PDZD2: variants seen among roughly 807,000 people sequenced by gnomAD.
PDZD2 encodes the protein PDZ domain-containing protein 2.
PDZD2 carries 90 observed loss-of-function variants against 220.7 expected under a neutral mutation model. That is an observed-to-expected ratio of 0.41 (90% CI 0.34 to 0.49). The LOEUF is 0.49. Ranked by LOEUF, PDZD2 falls within the 20% of genes least tolerant of loss-of-function variation. The pLI is 0.28. For synonymous variants in PDZD2, 1,375 were observed against 1,450.5 expected, an observed-to-expected ratio of 0.95 and a Z score of 1.18; for missense variants, 3,174 against 3,608.5, an observed-to-expected ratio of 0.88 and a Z score of 3.08.
At chr5:31,702,270 A>G (rs1747641958) in intron 1 of PDZD2, among the ~76,000 whole-genome samples, 2 of 152,200 alleles carry the variant, frequency 1.3e-5, no homozygotes, top group Admixed American at 1.3e-4. Context: ...TGAGGGAGGC[A>G]TCATTGTTTT....
chr5:31,943,203 C>CA (rs368213219), intron 2 of PDZD2, among the ~76,000 whole-genome samples: 81,868 of 145,986 alleles, frequency 0.56, 22,665 homozygotes, highest in East Asian at 0.83. Flanking sequence ...ACTGTGTCTC[C>CA]AAAAAAAAAA....
chr5:31,765,296 G>A (rs1040894003), intron 1 of PDZD2, among the ~76,000 whole-genome samples: 40 of 152,114 alleles, frequency 2.6e-4, no homozygotes, highest in African/African-American at 9.2e-4. Flanking sequence ...TGTACTCCTC[G>A]CTGGAGGATG....
At chr5:31,989,257 C>T (rs1368621993) in intron 3 of PDZD2, among the ~76,000 whole-genome samples, 1 of 152,072 alleles carries the variant, frequency 6.6e-6, no homozygotes, top group Non-Finnish European at 1.5e-5. Context: ...AGCCATTGTT[C>T]ACCTCCCACT....
At chr5:31,810,351 C>T (rs902703206) in intron 2 of PDZD2, among the ~76,000 whole-genome samples, 9 of 151,596 alleles carry the variant, frequency 5.9e-5, no homozygotes, top group Admixed American at 2.0e-4. Flanking sequence ...CAACCTCCGC[C>T]TCCCGGGTTC....
In PDZD2 at chr5:32,109,817, T is replaced by A. The variant is rs552018992; in HGVS notation, c.*1682T>A. On this transcript the variant is annotated 3_prime_UTR_variant, in exon 25 of 25. Coordinates refer to ENST00000438447, the MANE Select transcript of PDZD2 (RefSeq NM_178140.4). ...CTTTGTACATCATCATTTTTCTGAATGACCAATCCCACTAAACATCTTTGA... is the reference window on the plus strand; with the variant it reads ...CTTTGTACATCATCATTTTTCTGAAAGACCAATCCCACTAAACATCTTTGA... 2 of 152,802 alleles carry A rather than the reference T, an allele frequency of 1.3e-5. No homozygotes were observed. The highest frequency in any genetic ancestry group is 3.8e-4 in the East Asian group (2 of 5,196). The allele number at this position is 152,802 out of a possible 1,614,324, so 9.5% of individuals were successfully genotyped here.
chr5:32,087,198 C>A lies in PDZD2; in HGVS notation c.3750C>A (p.Ser1250Arg), dbSNP rs1467591356. The change falls in exon 20 of 25, where the codon AGC becomes AGA. Residue 1250 changes from serine (S) to arginine (R), a missense_variant. This residue lies in a region of PDZD2 where 1,861 missense variants were observed against 2,001.0 expected (regional missense o/e 0.93). Coordinates refer to ENST00000438447, the MANE Select transcript of PDZD2 (RefSeq NM_178140.4). This position sits in a 1 kb window ranked among gnomAD's most constrained non-coding sequence, Gnocchi z 4.0. ...GKKGAAHPDPSKTSVDTGQVS... is the reference protein window; with the variant it reads ...GKKGAAHPDPRKTSVDTGQVS... ...AGGGGGCCGCTCATCCTGACCCCAG[C>A]AAGACCTCTGTAGACACAGGGCAAG... 4 of 1,613,858 alleles carry A rather than the reference C, an allele frequency of 2.5e-6. No individual in the cohort carries two copies. The highest frequency in any genetic ancestry group is 3.4e-6 in the Non-Finnish European group (4 of 1,179,856).
At chr5:31,893,179 A>ATCACATC (rs1326723271) in intron 2 of PDZD2, among the ~76,000 whole-genome samples, 5 of 152,008 alleles carry the variant, frequency 3.3e-5, no homozygotes, top group Non-Finnish European at 7.4e-5. Flanking sequence ...CCTTGGCAGA[A>ATCACATC]TCACATCTTG....
intron 1 of PDZD2, among the ~76,000 whole-genome samples, chr5:31,682,177 C>T (rs1746676031): frequency 6.6e-6 from 1 of 152,134 alleles, no homozygotes; most frequent in East Asian, 1.9e-4. Flanking sequence ...CTGTGTGTTT[C>T]CTGGAGGACC....
intron 2 of PDZD2, among the ~76,000 whole-genome samples, chr5:31,923,017 G>T (rs901829327): frequency 7.2e-5 from 11 of 151,826 alleles, no homozygotes; most frequent in African/African-American, 2.7e-4. Flanking sequence ...TGCAGGCCGG[G>T]CGTGGTGGCT....
intron 2 of PDZD2, among the ~76,000 whole-genome samples, chr5:31,809,993 C>T (rs1211230367): frequency 3.3e-5 from 5 of 152,136 alleles, no homozygotes; most frequent in Non-Finnish European, 4.4e-5. Flanking sequence ...ATAAGACACT[C>T]GCTTTTAAAC....
intron 10 of PDZD2, among the ~76,000 whole-genome samples, chr5:32,056,870 A>G (rs1031910844): frequency 6.6e-6 from 1 of 152,096 alleles, no homozygotes; most frequent in African/African-American, 2.4e-5. Context: ...CGGGCAGATC[A>G]CTCAAGGCCA....
chr5:31,801,728 A>C, intron 2 of PDZD2, among the ~76,000 whole-genome samples: 1 of 152,186 alleles, frequency 6.6e-6, no homozygotes, highest in Non-Finnish European at 1.5e-5. Flanking sequence ...GGGAATCATA[A>C]GACTGTTGAT....
chr5:31,995,739 T>C (rs373625077), intron 4 of PDZD2, 21 bp downstream of exon 4: 1 of 1,607,250 alleles, frequency 6.2e-7, no homozygotes, highest in Non-Finnish European at 8.5e-7. Flanking sequence ...AACTCTCCCC[T>C]CTCCCCCATC....
chr5:32,087,688 T>C lies in PDZD2; in HGVS notation c.4240T>C (p.Cys1414Arg), dbSNP rs753229935. 1.3e-5 allele frequency: 21 copies of C among 1,613,980 alleles called. No individual in the cohort carries two copies. Among genetic ancestry groups the C allele is most frequent in the African/African-American group, 4.0e-5 (3 of 74,946 alleles). The change falls in exon 20 of 25, where the codon TGC becomes CGC. Residue 1414 changes from cysteine (C) to arginine (R), a missense_variant. Cys to Arg is a radical substitution (Grantham distance 180). Transcript: ENST00000438447. This position sits in a 1 kb window ranked among gnomAD's most constrained non-coding sequence, Gnocchi z 4.0. ...KEACGHVSGH[C>R]CPGGSRESPV... The stretch of plus-strand genomic sequence containing the variant: ...AGCATGTGGCCATGTCTCGGGGCAC[T>C]GCTGCCCAGGGGGGAGTAGAGAGAG...
At chr5:32,036,068 C>A (rs1249407646) in intron 6 of PDZD2, among the ~76,000 whole-genome samples, 1 of 151,176 alleles carries the variant, frequency 6.6e-6, no homozygotes, top group Non-Finnish European at 1.5e-5. Flanking sequence ...CTCAGCCTCT[C>A]GAGTAGCTGG....
intron 6 of PDZD2, among the ~76,000 whole-genome samples, chr5:32,018,757 T>C (rs1428895702): frequency 2.6e-5 from 4 of 152,244 alleles, no homozygotes; most frequent in African/African-American, 9.6e-5. Context: ...AGACGTTCCT[T>C]AAGCAACACT....
chr5:31,754,447 G>A (rs1457216588), intron 1 of PDZD2: 1 of 152,108 alleles, frequency 6.6e-6, no homozygotes, highest in Non-Finnish European at 1.5e-5. Context: ...GTCTCCCCAC[G>A]GCTCATTAGG....
intron 21 of PDZD2, among the ~76,000 whole-genome samples, chr5:32,093,463 A>G (rs1743368183): frequency 6.6e-6 from 1 of 152,066 alleles, no homozygotes; most frequent in Non-Finnish European, 1.5e-5. Context: ...AATATGGTGG[A>G]CCCCTGAACA....
At chr5:31,671,748 T>C (rs1746224723) in intron 1 of PDZD2, among the ~76,000 whole-genome samples, 1 of 152,200 alleles carries the variant, frequency 6.6e-6, no homozygotes, top group East Asian at 1.9e-4. Context: ...CCAGAAAGCC[T>C]GCATGCAGAT....
Sources: gnomAD v4.1 joint callset for allele counts (sites outside exome capture counted in the v4.1 genomes callset) on GRCh38, gnomAD v4.1.1 for gene constraint, gnomAD v4.1.1 regional missense constraint, Gnocchi (gnomAD v3.1) non-coding constraint, MANE v1.5 for transcripts, NCBI Gene and HGNC (gene_info 2026-07-23, HGNC 2026-07-21) for gene names.